SOX6: variants seen among roughly 807,000 people sequenced by gnomAD.
SOX6 encodes transcription factor SOX-6.
In SOX6, 11 loss-of-function variants were observed where a neutral mutation model predicts 97.8. That is an observed-to-expected ratio of 0.11 (90% CI 0.07 to 0.19). The LOEUF is 0.19. Among genes scored for constraint, SOX6 ranks in the 10% least tolerant of loss-of-function variants. SOX6 has a pLI of 1.00. For missense variants in SOX6, 810 were observed against 1,039.5 expected (o/e 0.78, Z 3.04); for synonymous variants, 360 against 371.4 (o/e 0.97, Z 0.35).
chr11:16,018,391 ATGGGTGG>A (rs2133866935), intron 12 of SOX6, among the ~76,000 whole-genome samples: 1 of 152,112 alleles, frequency 6.6e-6, no homozygotes, highest in Admixed American at 6.6e-5. Context: ...TTGTCTTTGC[ATGGGTGG>A]AGAGAGAGAA....
intron 4 of SOX6, among the ~76,000 whole-genome samples, chr11:16,599,212 T>C (rs527835590): frequency 2.6e-5 from 4 of 152,314 alleles, no homozygotes; most frequent in African/African-American, 9.6e-5. Context: ...GAAGGCTTTA[T>C]AGACCATGGG....
intron 4 of SOX6, among the ~76,000 whole-genome samples, chr11:16,527,251 T>G (rs1031074310): frequency 6.6e-6 from 1 of 152,152 alleles, no homozygotes; most frequent in African/African-American, 2.4e-5. Context: ...TCCTGGAAAC[T>G]GACAGCTTCA....
At chr11:16,586,169 GCTCA>G (rs1848091328) in intron 4 of SOX6, among the ~76,000 whole-genome samples, 1 of 152,088 alleles carries the variant, frequency 6.6e-6, no homozygotes, top group Non-Finnish European at 1.5e-5. Flanking sequence ...CTTAATGGCT[GCTCA>G]CTGTCTACTG....
intron 4 of SOX6, among the ~76,000 whole-genome samples, chr11:16,575,047 A>T (rs77885200): frequency 8.1e-5 from 9 of 111,144 alleles, no homozygotes; most frequent in South Asian, 2.3e-4. Context: ...CTCAAAAAAT[A>T]AAAAAAAAAA....
chr11:16,012,441 T>C (rs564191832), intron 13 of SOX6, among the ~76,000 whole-genome samples: 1 of 152,090 alleles, frequency 6.6e-6, no homozygotes, highest in South Asian at 2.1e-4. Context: ...GAGGTCTCAA[T>C]GGCAACTTCT....
At chr11:16,692,673 C>A (rs16933352) in intron 3 of SOX6, among the ~76,000 whole-genome samples, 3,532 of 152,212 alleles carry the variant, frequency 0.023, 141 homozygotes, top group African/African-American at 0.081. Flanking sequence ...AGGGTTCTCC[C>A]CAAAAGGTGT....
intron 4 of SOX6, among the ~76,000 whole-genome samples, chr11:16,494,711 G>T (rs1454895189): frequency 6.6e-6 from 1 of 152,158 alleles, no homozygotes; most frequent in African/African-American, 2.4e-5. Context: ...CAAGCAGCCT[G>T]CCTGGCAATA....
chr11:16,458,152 C>G (rs1336148924), intron 1 of SOX6, among the ~76,000 whole-genome samples: 4 of 151,494 alleles, frequency 2.6e-5, no homozygotes, highest in Admixed American at 1.3e-4. Context: ...CAAACCACCT[C>G]TCTTTCCTTC....
intron 13 of SOX6, among the ~76,000 whole-genome samples, chr11:16,005,242 T>C (rs919823834): frequency 1.3e-5 from 2 of 151,890 alleles, no homozygotes; most frequent in Non-Finnish European, 1.5e-5. Context: ...CCTCTCTTCT[T>C]CCCAAATGCT....
intron 1 of SOX6, among the ~76,000 whole-genome samples, chr11:16,436,797 A>G (rs1236300923): frequency 1.3e-5 from 2 of 152,176 alleles, no homozygotes; most frequent in Non-Finnish European, 2.9e-5. Context: ...CTCTCATTTT[A>G]ACTGTCTGAC....
chr11:16,354,777 A>G (rs934062336), intron 1 of SOX6, among the ~76,000 whole-genome samples: 1 of 152,098 alleles, frequency 6.6e-6, no homozygotes, highest in Non-Finnish European at 1.5e-5. Context: ...TAACTTGACA[A>G]TAAATAAAAA....
chr11:16,098,288 G>T (rs976164597), intron 7 of SOX6, among the ~76,000 whole-genome samples: 31 of 151,878 alleles, frequency 2.0e-4, no homozygotes, highest in African/African-American at 7.2e-4. Context: ...ATTAACCTCT[G>T]GTACTGTACT....
In SOX6 at chr11:16,055,601, C is replaced by T. The variant is rs574080445; in HGVS notation, c.1251+151G>A. On this transcript the variant is annotated intron_variant, in intron 10 of 15. Transcript: ENST00000683767. ...ATCAAAACACCTGTTTCTCAATGCT[C>T]AATTATGAAATTTACCATAAAGAGG... The T allele has an allele frequency of 2.2e-4, 190 of 871,148 alleles. 1 individual carries two copies. Among genetic ancestry groups the T allele is most frequent in the Admixed American group, 3.4e-4 (16 of 46,502 alleles). 54.0% of individuals were successfully genotyped at this position (871,148 alleles called of 1,614,324 possible).
intron 2 of SOX6, among the ~76,000 whole-genome samples, chr11:16,337,070 G>A (rs184102079): frequency 2.0e-5 from 3 of 152,108 alleles, no homozygotes; most frequent in Admixed American, 2.0e-4. Context: ...TAGACTATAA[G>A]TTCTATGATA....
chr11:15,987,328 T>C (rs916273464), intron 14 of SOX6, among the ~76,000 whole-genome samples: 1 of 152,210 alleles, frequency 6.6e-6, no homozygotes, highest in African/African-American at 2.4e-5. Context: ...TCTGCTTTAA[T>C]AGCACATGCA....
At chr11:16,379,384 T>A (rs1242058731) in intron 1 of SOX6, among the ~76,000 whole-genome samples, 1 of 152,118 alleles carries the variant, frequency 6.6e-6, no homozygotes, top group African/African-American at 2.4e-5. Flanking sequence ...GAGAATCGAT[T>A]GAACCCGGGA....
intron 3 of SOX6, among the ~76,000 whole-genome samples, chr11:16,670,055 C>T (rs1011184241): frequency 2.6e-5 from 4 of 152,128 alleles, no homozygotes; most frequent in African/African-American, 4.8e-5. Flanking sequence ...TCCCTACCCC[C>T]GCCCTTCACC....
intron 9 of SOX6, among the ~76,000 whole-genome samples, chr11:16,072,140 A>G (rs1400389663): frequency 3.9e-5 from 6 of 152,202 alleles, no homozygotes; most frequent in African/African-American, 1.4e-4. Context: ...TATGGATAGG[A>G]ATGAAGATCA....
At chr11:16,160,713 T>C (rs985786578) in intron 6 of SOX6, among the ~76,000 whole-genome samples, 5 of 152,188 alleles carry the variant, frequency 3.3e-5, no homozygotes, top group African/African-American at 1.2e-4. Context: ...TTAAACTAGA[T>C]TCTGTTCAGA....
Sources: gnomAD v4.1 joint callset for allele counts (sites outside exome capture counted in the v4.1 genomes callset) on GRCh38, gnomAD v4.1.1 for gene constraint, MANE v1.5 for transcripts, NCBI Gene and HGNC (gene_info 2026-07-23, HGNC 2026-07-21) for gene names.